Variants in SLC24A2 observed in about 807,000 individuals in gnomAD.
The protein encoded by SLC24A2 is solute carrier family 24 member 2, also known as sodium/potassium/calcium exchanger 2.
SLC24A2 carries 36 observed loss-of-function variants against 62.0 expected under a neutral mutation model. That is an observed-to-expected ratio of 0.58 (90% CI 0.44 to 0.77). The LOEUF is 0.77. Ranked by LOEUF, SLC24A2 falls within the 30% of genes least tolerant of loss-of-function variation. The pLI is 0.00. For missense variants in SLC24A2, 846 were observed against 817.9 expected (o/e 1.03, Z -0.42); for synonymous variants, 358 against 294.0 (o/e 1.22, Z -2.23).
intron 2 of SLC24A2, among the ~76,000 whole-genome samples, chr9:19,694,586 G>A (rs764212977): frequency 4.6e-5 from 7 of 152,158 alleles, no homozygotes; most frequent in Non-Finnish European, 1.0e-4. Context: ...GGTATAATAT[G>A]CATCAAGGGT....
the SLC24A2 span, among the ~76,000 whole-genome samples, chr9:20,009,383 CAAAAAAAAAAA>C: frequency 8.9e-6 from 1 of 112,330 alleles, no homozygotes; most frequent in Non-Finnish European, 1.8e-5. Context: ...AACTCTGTCT[CAAAAAAAAAAA>C]AAAAAAAAAA....
the SLC24A2 span, among the ~76,000 whole-genome samples, chr9:20,186,806 C>T: frequency 6.6e-6 from 1 of 152,074 alleles, no homozygotes; most frequent in African/African-American, 2.4e-5. Context: ...ATTTAATCAA[C>T]GAGAGACATT....
intron 2 of SLC24A2, among the ~76,000 whole-genome samples, chr9:19,767,625 G>A (rs1822559314): frequency 6.6e-6 from 1 of 152,140 alleles, no homozygotes; most frequent in Non-Finnish European, 1.5e-5. Context: ...CCCTCTGTGG[G>A]CTGCATGCAC....
the SLC24A2 span, among the ~76,000 whole-genome samples, chr9:20,230,134 T>C: frequency 6.6e-6 from 1 of 152,310 alleles, no homozygotes; most frequent in South Asian, 2.1e-4. Context: ...AGTCTATTGT[T>C]GTTGGACATT....
chr9:19,865,187 C>G, the SLC24A2 span, among the ~76,000 whole-genome samples: 1 of 152,120 alleles, frequency 6.6e-6, no homozygotes, highest in African/African-American at 2.4e-5. Flanking sequence ...TTGAAGAGGA[C>G]ACCAGAAAAT....
In SLC24A2 at chr9:19,740,871, C is replaced by CAA. The variant is rs35585142; in HGVS notation, c.930+45064_930+45065dup. 7.5e-3 allele frequency among the ~76,000 whole-genome samples: 1,039 copies of CAA among 139,450 alleles called. 10 individuals are homozygous for CAA. Among genetic ancestry groups the CAA allele is most frequent in the African/African-American group, 0.021 (808 of 38,292 alleles). 91.5% of individuals were successfully genotyped at this position (139,450 alleles called of 152,430 possible). ...TGAAATTTTCCATTATAAAAAGGAC[C>CAA]AAAAAAAAAAAAAGAGAGAGAGAAA... On this transcript the variant is annotated intron_variant, in intron 2 of 10. Coordinates refer to ENST00000341998, the MANE Select transcript of SLC24A2 (RefSeq NM_020344.4).
chr9:20,062,325 A>G, the SLC24A2 span, among the ~76,000 whole-genome samples: 1 of 151,456 alleles, frequency 6.6e-6, no homozygotes, highest in South Asian at 2.1e-4. Context: ...CAGAGCCCTC[A>G]GAAATAATGC....
chr9:19,891,634 G>A, the SLC24A2 span, among the ~76,000 whole-genome samples: 2 of 152,140 alleles, frequency 1.3e-5, no homozygotes, highest in African/African-American at 4.8e-5. Context: ...TAATCCCAGT[G>A]ACTTGAGAGA....
At chr9:20,118,567 C>A in the SLC24A2 span, among the ~76,000 whole-genome samples, 2 of 151,572 alleles carry the variant, frequency 1.3e-5, no homozygotes, top group African/African-American at 4.8e-5. Flanking sequence ...TATTTTACAG[C>A]CTATGTTTTA....
At chr9:19,533,274 C>A (rs1009475292) in intron 8 of SLC24A2, among the ~76,000 whole-genome samples, 2 of 152,120 alleles carry the variant, frequency 1.3e-5, no homozygotes, top group Non-Finnish European at 2.9e-5. Context: ...TAAGGAGGGG[C>A]AAATATGTAT....
At chr9:19,546,536 C>G in intron 8 of SLC24A2, among the ~76,000 whole-genome samples, 1 of 152,174 alleles carries the variant, frequency 6.6e-6, no homozygotes, top group East Asian at 1.9e-4. Flanking sequence ...CACCCCTTCC[C>G]CCACCAAGCT....
chr9:19,953,066 A>T, the SLC24A2 span, among the ~76,000 whole-genome samples: 7 of 152,058 alleles, frequency 4.6e-5, no homozygotes, highest in African/African-American at 4.8e-5. Flanking sequence ...TTGCCTTATT[A>T]TCCCTTTAAT....
the SLC24A2 span, among the ~76,000 whole-genome samples, chr9:20,044,241 C>T: frequency 1.5e-4 from 23 of 152,146 alleles, no homozygotes; most frequent in Admixed American, 2.6e-4. Context: ...ACATGCACGA[C>T]GAAACCAAAA....
chr9:20,158,123 T>C, the SLC24A2 span, among the ~76,000 whole-genome samples: 1 of 151,342 alleles, frequency 6.6e-6, no homozygotes, highest in Admixed American at 6.6e-5. Flanking sequence ...AACTAAAAAA[T>C]GGATATGGAA....
the SLC24A2 span, among the ~76,000 whole-genome samples, chr9:19,885,249 G>A: frequency 2.6e-5 from 4 of 152,128 alleles, no homozygotes; most frequent in African/African-American, 9.7e-5. Context: ...GCATGCTAAC[G>A]TGTTTAGGTG....
chr9:20,258,764 T>TTATCTATCTATCTATC, the SLC24A2 span, among the ~76,000 whole-genome samples: 3 of 139,706 alleles, frequency 2.1e-5, no homozygotes, highest in Non-Finnish European at 3.1e-5. Flanking sequence ...CTCCTCTCAT[T>TTATCTATCTATCTATC]TATCTATCTA....
intron 2 of SLC24A2, among the ~76,000 whole-genome samples, chr9:19,636,315 T>TTTTCCTTTC (rs1564009647): frequency 0.01 from 415 of 40,310 alleles, 43 homozygotes; most frequent in South Asian, 0.021. Flanking sequence ...TTTTCTTTTC[T>TTTTCCTTTC]TTTCTTTCTT....
chr9:19,669,553 C>A (rs1419699377), intron 2 of SLC24A2, among the ~76,000 whole-genome samples: 1 of 152,220 alleles, frequency 6.6e-6, no homozygotes, highest in Non-Finnish European at 1.5e-5. Flanking sequence ...TCTCACTGAG[C>A]TAAAAGCAAA....
At chr9:19,567,949 A>T (rs1209614794) in intron 7 of SLC24A2, among the ~76,000 whole-genome samples, 2 of 152,134 alleles carry the variant, frequency 1.3e-5, no homozygotes, top group Non-Finnish European at 2.9e-5. Context: ...CCTCTCGGAG[A>T]TGAGGTGACA....
Sources: allele counts gnomAD v4.1 joint callset (sites outside exome capture counted in the v4.1 genomes callset), GRCh38; gene constraint gnomAD v4.1.1; transcripts MANE v1.5; gene names NCBI Gene and HGNC (gene_info 2026-07-23, HGNC 2026-07-21).